FIG4: variants seen among roughly 807,000 people sequenced by gnomAD.
The protein encoded by FIG4 is FIG4 phosphoinositide 5-phosphatase, also known as polyphosphoinositide phosphatase.
In FIG4, 112 loss-of-function variants were observed where a neutral mutation model predicts 118.6. The ratio of observed to expected loss-of-function variants is 0.94; its 90% CI spans 0.81 to 1.11. The LOEUF (loss-of-function observed/expected upper bound fraction) is 1.11, where lower values mean the gene tolerates loss of function less well. Ranked by LOEUF, FIG4 falls within the 50% of genes least tolerant of loss-of-function variation. The pLI is 0.00. For missense variants in FIG4, 969 were observed against 1,111.7 expected (o/e 0.87, Z 1.83); for synonymous variants, 369 against 381.2 (o/e 0.97, Z 0.37).
chr6:109,693,650 A>G (rs1001582157), intron 1 of FIG4, among the ~76,000 whole-genome samples: 1 of 152,200 alleles, frequency 6.6e-6, no homozygotes, highest in Admixed American at 6.5e-5. Flanking sequence ...TGCCAAAAAC[A>G]GTGTAGGTGC....
intron 10 of FIG4, among the ~76,000 whole-genome samples, chr6:109,753,552 A>G (rs1776780892): frequency 6.6e-6 from 1 of 152,136 alleles, no homozygotes; most frequent in Non-Finnish European, 1.5e-5. Context: ...CATTTTCACA[A>G]TATTGATTGT....
intron 15 of FIG4, among the ~76,000 whole-genome samples, chr6:109,774,618 T>C (rs1777565155): frequency 6.6e-6 from 1 of 152,248 alleles, no homozygotes; most frequent in South Asian, 2.1e-4. Context: ...AGTGCCTATT[T>C]TGAAATGTAT....
chr6:109,803,989 A>C (rs78926979), intron 22 of FIG4, among the ~76,000 whole-genome samples: 7,986 of 152,144 alleles, frequency 0.052, 383 homozygotes, highest in East Asian at 0.18. Context: ...AGTTAAATAG[A>C]TTATTTATAT....
chr6:109,691,383 T>C lies in FIG4; in HGVS notation c.-53T>C. 1 of 1,481,594 alleles carries C rather than the reference T, an allele frequency of 6.7e-7. No individual in the cohort carries two copies. 91.8% of individuals were successfully genotyped at this position (1,481,594 alleles called of 1,614,324 possible). On this transcript the variant is annotated 5_prime_UTR_variant, in exon 1 of 23. Transcript: ENST00000230124. ...TGAGGGGTTTTCTCGCCGAGTCTCC[T>C]GGGGCGGTCCGGAGGCTCGTGCCCT...
At chr6:109,717,248 A>G (rs1356941263) in intron 3 of FIG4, among the ~76,000 whole-genome samples, 1 of 152,186 alleles carries the variant, frequency 6.6e-6, no homozygotes, top group Non-Finnish European at 1.5e-5. Flanking sequence ...TTTCAAGGAA[A>G]CAGGACCCTT....
intron 16 of FIG4, among the ~76,000 whole-genome samples, chr6:109,778,703 A>G (rs1007710791): frequency 1.3e-5 from 2 of 151,736 alleles, no homozygotes; most frequent in Admixed American, 6.6e-5. Flanking sequence ...GGTTCACGCC[A>G]TTCTCCTGCC....
chr6:109,716,048 C>T (rs554878197), intron 2 of FIG4, among the ~76,000 whole-genome samples: 17 of 152,234 alleles, frequency 1.1e-4, no homozygotes, highest in African/African-American at 4.1e-4. Flanking sequence ...ATTTGGAGAT[C>T]GGAGCAATTG....
intron 8 of FIG4, among the ~76,000 whole-genome samples, chr6:109,742,281 C>T (rs540079874): frequency 3.9e-5 from 6 of 152,146 alleles, no homozygotes; most frequent in East Asian, 1.9e-4. Context: ...GTTCAGGAAA[C>T]GCTTTGCCCT....
At chr6:109,792,903 C>G (rs1778179232) in intron 21 of FIG4, among the ~76,000 whole-genome samples, 1 of 151,908 alleles carries the variant, frequency 6.6e-6, no homozygotes, top group Admixed American at 6.6e-5. Context: ...GTTGCCCAGG[C>G]TAGCCTCAAA....
chr6:109,704,270 C>T (rs936876114), intron 1 of FIG4, among the ~76,000 whole-genome samples: 4 of 152,236 alleles, frequency 2.6e-5, no homozygotes, highest in Admixed American at 6.5e-5. Context: ...CCTCAGGCAT[C>T]GAGCCTAGTG....
intron 13 of FIG4, among the ~76,000 whole-genome samples, 193 bp downstream of exon 13, chr6:109,764,175 A>G (rs891813066): frequency 2.6e-5 from 4 of 152,176 alleles, no homozygotes; most frequent in Non-Finnish European, 4.4e-5. Context: ...GCGGTGGCTC[A>G]TGCTTGTAAT....
At chr6:109,729,781 A>T (rs1402367158) in intron 4 of FIG4, among the ~76,000 whole-genome samples, 1 of 151,738 alleles carries the variant, frequency 6.6e-6, no homozygotes, top group Non-Finnish European at 1.5e-5. Flanking sequence ...CTCAAAAAAA[A>T]AAAAAAAAGA....
At chr6:109,801,420 C>T (rs540244807) in intron 22 of FIG4, among the ~76,000 whole-genome samples, 77 of 152,120 alleles carry the variant, frequency 5.1e-4, no homozygotes, top group East Asian at 1.9e-3. Flanking sequence ...AGGTGGCAGG[C>T]GCCTATAATC....
chr6:109,700,958 C>G (rs1774885806), intron 1 of FIG4, among the ~76,000 whole-genome samples: 1 of 152,174 alleles, frequency 6.6e-6, no homozygotes, highest in African/African-American at 2.4e-5. Flanking sequence ...AAGGGACACT[C>G]TACCTTTAAT....
chr6:109,741,910 AT>A (rs2128386732), intron 8 of FIG4, among the ~76,000 whole-genome samples: 1 of 152,242 alleles, frequency 6.6e-6, no homozygotes, highest in Non-Finnish European at 1.5e-5. Context: ...GTCTGCACGT[AT>A]TCAGTTCAGA....
At chr6:109,787,427 G>T (rs545788982) in intron 18 of FIG4, among the ~76,000 whole-genome samples, 2 of 152,220 alleles carry the variant, frequency 1.3e-5, no homozygotes, top group East Asian at 3.9e-4. Flanking sequence ...TTACTTGCTT[G>T]ATTTTTCAAG....
chr6:109,748,688 T>C (rs1776583643), intron 10 of FIG4, among the ~76,000 whole-genome samples: 1 of 152,126 alleles, frequency 6.6e-6, no homozygotes, highest in African/African-American at 2.4e-5. Context: ...TTTAATGGAC[T>C]CACAGTTCCA....
At chr6:109,728,475 A>T (rs957477766) in intron 4 of FIG4, among the ~76,000 whole-genome samples, 1 of 152,198 alleles carries the variant, frequency 6.6e-6, no homozygotes, top group Admixed American at 6.5e-5. Context: ...AGAAATATTT[A>T]TAAGTTTTTA....
At chr6:109,759,671 G>C (rs573397914) in intron 10 of FIG4, among the ~76,000 whole-genome samples, 34 of 152,322 alleles carry the variant, frequency 2.2e-4, no homozygotes, top group African/African-American at 7.9e-4. Context: ...CCCCAGGCAA[G>C]GAGGCAGAAG....
Sources: gnomAD v4.1 joint callset for allele counts (sites outside exome capture counted in the v4.1 genomes callset) on GRCh38, gnomAD v4.1.1 for gene constraint, MANE v1.5 for transcripts, NCBI Gene and HGNC (gene_info 2026-07-23, HGNC 2026-07-21) for gene names.